The following ILRUN variants were observed in gnomAD, a reference collection of about 807,000 sequenced individuals.
ILRUN encodes inflammation and lipid regulator with UBA-like and NBR1-like domains, also known as protein ILRUN.
A neutral mutation model predicts 33.8 loss-of-function variants in ILRUN; 3 were observed. The ratio of observed to expected loss-of-function variants is 0.09; its 90% CI spans 0.04 to 0.23. ILRUN has a LOEUF of 0.23. ILRUN is among the 10% of genes least tolerant of loss of function. The pLI is 1.00. For missense variants in ILRUN, 210 were observed against 375.1 expected (o/e 0.56, Z 3.64); for synonymous variants, 124 against 138.9 (o/e 0.89, Z 0.75).
intron 3 of ILRUN, among the ~76,000 whole-genome samples, chr6:34,623,281 T>C (rs1228809702): frequency 6.6e-6 from 1 of 152,220 alleles, no homozygotes; most frequent in Non-Finnish European, 1.5e-5. Flanking sequence ...ATCAGAGGCC[T>C]ACTGATTCTG....
rs1191568929 is a variant in ILRUN, at chr6:34,592,251, T to C, written c.862-1651A>G. ...CCAGGTGCTGCAGTAGCACCTAACATGTTCTCTTTAGCCCTCACAAAGATC... is the reference window on the plus strand; with the variant it reads ...CCAGGTGCTGCAGTAGCACCTAACACGTTCTCTTTAGCCCTCACAAAGATC... On this transcript the variant is annotated intron_variant, in intron 4 of 4. Transcript: ENST00000374023. This position sits in a 1 kb window ranked among gnomAD's most constrained non-coding sequence, Gnocchi z 4.0. Among the ~76,000 whole-genome samples, 2 of 152,386 alleles carry C rather than the reference T, an allele frequency of 1.3e-5. No individual in the cohort carries two copies. The highest frequency in any genetic ancestry group is 4.8e-5 in the African/African-American group (2 of 41,590).
chr6:34,662,442 C>T (rs1276533087), intron 1 of ILRUN, among the ~76,000 whole-genome samples: 3 of 152,120 alleles, frequency 2.0e-5, no homozygotes, highest in Non-Finnish European at 4.4e-5. Context: ...AAAGAATATG[C>T]GTGTTCAGAG....
At chr6:34,614,492 T>A (rs1761836132) in intron 3 of ILRUN, among the ~76,000 whole-genome samples, 1 of 138,814 alleles carries the variant, frequency 7.2e-6, no homozygotes, top group African/African-American at 2.8e-5. Context: ...TATTATTATA[T>A]ATATTATATT....
chr6:34,636,275 A>G (rs546509081), intron 3 of ILRUN, among the ~76,000 whole-genome samples: 3 of 152,256 alleles, frequency 2.0e-5, no homozygotes, highest in African/African-American at 7.2e-5. Context: ...AAATTAAATT[A>G]AAATCCAGAG....
rs1365562308 is a variant in ILRUN, at chr6:34,688,845, C to T, written c.158+7601G>A. On this transcript the variant is annotated intron_variant, in intron 1 of 4. Transcript: ENST00000374023. ...AAAAGGACAAATTCTATTTACATGA[C>T]GTATCCACGGGAGGCTGAGGCAGGA... 3.9e-5 allele frequency among the ~76,000 whole-genome samples: 6 copies of T among 151,940 alleles called. No homozygotes were observed. The South Asian group carries it at 1.0e-3, about 26-fold the overall frequency.
chr6:34,667,700 G>C (rs1339276348), intron 1 of ILRUN, among the ~76,000 whole-genome samples: 2 of 152,112 alleles, frequency 1.3e-5, no homozygotes, highest in African/African-American at 4.8e-5. Flanking sequence ...CGCAATAGAA[G>C]ACATAGCATC....
rs925154648 is a variant in ILRUN, at chr6:34,642,604, C to A, written c.511+3997G>T. On this transcript the variant is annotated intron_variant, in intron 3 of 4. Coordinates refer to ENST00000374023, the MANE Select transcript of ILRUN (RefSeq NM_024294.4). ...GTGGGCCAGTCAAAGCAAAAGTGGA[C>A]CAGTCAAGAGCAAAGGTCATGGCAA... 3.9e-5 allele frequency among the ~76,000 whole-genome samples: 6 copies of A among 152,022 alleles called. No homozygotes were observed. The South Asian group carries it at 1.0e-3, about 26-fold the overall frequency.
At chr6:34,661,081 T>C (rs1762876240) in intron 1 of ILRUN, among the ~76,000 whole-genome samples, 1 of 152,222 alleles carries the variant, frequency 6.6e-6, no homozygotes, top group Non-Finnish European at 1.5e-5. Context: ...GATCCATTAA[T>C]TTTATTACTT....
intron 1 of ILRUN, among the ~76,000 whole-genome samples, chr6:34,682,119 C>T (rs1239689855): frequency 5.3e-5 from 8 of 150,498 alleles, no homozygotes; most frequent in Admixed American, 2.0e-4. Flanking sequence ...ATGATCCGCC[C>T]GCCTGGCCTC....
chr6:34,611,657 T>C (rs1044293368), intron 3 of ILRUN, among the ~76,000 whole-genome samples: 1 of 152,204 alleles, frequency 6.6e-6, no homozygotes, highest in Non-Finnish European at 1.5e-5. Flanking sequence ...CCTTGATCAC[T>C]GAGATAAGAA....
chr6:34,676,015 C>T lies in ILRUN; in HGVS notation c.158+20431G>A, dbSNP rs192671794. ...TAGTGGTTAAATAAAATATGACCAA[C>T]CACAATGGACATCCAATGCATCCAG... On this transcript the variant is annotated intron_variant, in intron 1 of 4. Transcript: ENST00000374023. 2.0e-3 allele frequency among the ~76,000 whole-genome samples: 307 copies of T among 152,274 alleles called. 1 individual carries two copies. Among genetic ancestry groups the T allele is most frequent in the African/African-American group, 6.9e-3 (288 of 41,570 alleles).
intron 1 of ILRUN, among the ~76,000 whole-genome samples, chr6:34,683,499 C>CATATATATATATATACATATATATAT: frequency 1.2e-5 from 1 of 84,530 alleles, no homozygotes; most frequent in South Asian, 3.4e-4. Context: ...TATATATATA[C>CATATATATATATATACATATATATAT]ATATATATAT....
chr6:34,601,707 C>A (rs556413555), intron 4 of ILRUN, among the ~76,000 whole-genome samples: 1 of 151,518 alleles, frequency 6.6e-6, no homozygotes, highest in Non-Finnish European at 1.5e-5. Context: ...CAGTACCCGC[C>A]CCCCCAACTA....
At chr6:34,659,320 T>C (rs1388957185) in intron 1 of ILRUN, among the ~76,000 whole-genome samples, 3 of 152,188 alleles carry the variant, frequency 2.0e-5, no homozygotes, top group African/African-American at 7.2e-5. Context: ...TACAACTCTG[T>C]CCAACCTTCA....
At chr6:34,669,748 C>A (rs996722326) in intron 1 of ILRUN, among the ~76,000 whole-genome samples, 3 of 151,960 alleles carry the variant, frequency 2.0e-5, no homozygotes, top group African/African-American at 7.3e-5. Flanking sequence ...AATAAGTAAA[C>A]AAAATGTGGT....
chr6:34,664,431 G>A (rs922589089), intron 1 of ILRUN, among the ~76,000 whole-genome samples: 1 of 152,080 alleles, frequency 6.6e-6, no homozygotes, highest in Non-Finnish European at 1.5e-5. Flanking sequence ...TCAGCCTCCT[G>A]AGTAGCTAGG....
chr6:34,679,452 A>C (rs1763310175), intron 1 of ILRUN, among the ~76,000 whole-genome samples: 1 of 152,242 alleles, frequency 6.6e-6, no homozygotes, highest in Non-Finnish European at 1.5e-5. Context: ...ATTTAACTAC[A>C]AGAAATGTTC....
At chr6:34,667,831 AAGG>A (rs1763035745) in intron 1 of ILRUN, among the ~76,000 whole-genome samples, 3 of 152,228 alleles carry the variant, frequency 2.0e-5, no homozygotes, top group Non-Finnish European at 4.4e-5. Flanking sequence ...ACAAAAGGCG[AAGG>A]AACTGTTCTA....
intron 3 of ILRUN, among the ~76,000 whole-genome samples, chr6:34,623,644 T>C (rs1235069777): frequency 6.6e-6 from 1 of 152,188 alleles, no homozygotes; most frequent in African/African-American, 2.4e-5. Context: ...TTTAAGGATA[T>C]GCAGGAAATC....
Sources: allele counts gnomAD v4.1 joint callset (sites outside exome capture counted in the v4.1 genomes callset), GRCh38; gene constraint gnomAD v4.1.1; non-coding constraint Gnocchi (gnomAD v3.1); transcripts MANE v1.5; gene names NCBI Gene and HGNC (gene_info 2026-07-23, HGNC 2026-07-21).